Variants in BMAL2 observed in about 807,000 individuals in gnomAD.
The protein encoded by BMAL2 is basic helix-loop-helix ARNT like 2.
chr12:27,420,394 AG>A, the BMAL2 span: 2 of 1,614,002 alleles, frequency 1.2e-6, no homozygotes, highest in Non-Finnish European at 1.7e-6. Context: ...TTTAATTCAT[AG>A]GTGATGGTGC....
chr12:27,389,108 T>G, the BMAL2 span: 1 of 1,002,168 alleles, frequency 1.0e-6, no homozygotes, highest in East Asian at 2.4e-5. Flanking sequence ...AAAAGAACAT[T>G]TATTGTATGC....
the BMAL2 span, chr12:27,368,560 C>T: frequency 8.7e-6 from 9 of 1,040,200 alleles, no homozygotes; most frequent in South Asian, 1.7e-5. Flanking sequence ...CTACCTTTGT[C>T]GGTGACTGAC....
At chr12:27,416,730 G>A in the BMAL2 span, among the ~76,000 whole-genome samples, 2 of 152,148 alleles carry the variant, frequency 1.3e-5, no homozygotes, top group Non-Finnish European at 2.9e-5. Flanking sequence ...GGCTGAGGTG[G>A]GAAGATCACT....
chr12:27,370,095 G>A, the BMAL2 span: 13 of 1,509,138 alleles, frequency 8.6e-6, no homozygotes, highest in Non-Finnish European at 1.2e-5. Flanking sequence ...AGAACATCTG[G>A]GTAGGGGGTG....
chr12:27,358,148 A>G, the BMAL2 span, among the ~76,000 whole-genome samples: 8 of 152,172 alleles, frequency 5.3e-5, no homozygotes, highest in Non-Finnish European at 5.9e-5. Context: ...CGCTATCTAT[A>G]CATCTGACAA....
chr12:27,407,827 A>C, the BMAL2 span, among the ~76,000 whole-genome samples: 5 of 152,196 alleles, frequency 3.3e-5, no homozygotes, highest in South Asian at 2.1e-4. Flanking sequence ...AAAAGATCAA[A>C]AAAATTGATC....
the BMAL2 span, among the ~76,000 whole-genome samples, chr12:27,379,901 A>G: frequency 2.0e-5 from 3 of 152,198 alleles, no homozygotes; most frequent in East Asian, 5.8e-4. Flanking sequence ...ACAACTATTT[A>G]TGCAAATACC....
At chr12:27,376,176 A>G in the BMAL2 span, among the ~76,000 whole-genome samples, 1 of 152,222 alleles carries the variant, frequency 6.6e-6, no homozygotes, top group Non-Finnish European at 1.5e-5. Flanking sequence ...TGGTTCATGT[A>G]GACAGTAAGA....
the BMAL2 span, among the ~76,000 whole-genome samples, chr12:27,411,307 A>C: frequency 1.3e-5 from 2 of 151,918 alleles, no homozygotes; most frequent in East Asian, 3.9e-4. Flanking sequence ...GGCTTAGTAC[A>C]TTTAAAAAAA....
chr12:27,359,193 A>G, the BMAL2 span, among the ~76,000 whole-genome samples: 2 of 152,198 alleles, frequency 1.3e-5, no homozygotes. Flanking sequence ...TAATTGAAAT[A>G]ATGGTAGAAA....
At chr12:27,401,369 T>C in the BMAL2 span, 1 of 1,605,842 alleles carries the variant, frequency 6.2e-7, no homozygotes, top group East Asian at 2.2e-5. Context: ...AGCAGGTAGG[T>C]ATGCATTGAG....
At chr12:27,355,663 G>T in the BMAL2 span, among the ~76,000 whole-genome samples, 4 of 152,276 alleles carry the variant, frequency 2.6e-5, no homozygotes, top group East Asian at 7.7e-4. Flanking sequence ...CTCTGCTTCA[G>T]TTCTCCAGCT....
chr12:27,393,109 A>G, the BMAL2 span, among the ~76,000 whole-genome samples: 1 of 152,246 alleles, frequency 6.6e-6, no homozygotes, highest in Non-Finnish European at 1.5e-5. Context: ...TCAAACCCAT[A>G]TCTACATTCA....
At chr12:27,361,311 G>A in the BMAL2 span, among the ~76,000 whole-genome samples, 1 of 152,126 alleles carries the variant, frequency 6.6e-6, no homozygotes, top group Non-Finnish European at 1.5e-5. Context: ...TTGAAATATT[G>A]CAAGATTGAT....
chr12:27,341,939 TA>T, the BMAL2 span, among the ~76,000 whole-genome samples: 22 of 152,258 alleles, frequency 1.4e-4, no homozygotes, highest in South Asian at 3.5e-3. Context: ...TGTTTTTATT[TA>T]TTTTTTTTAT....
chr12:27,396,131 T>C, the BMAL2 span, among the ~76,000 whole-genome samples: 1 of 152,206 alleles, frequency 6.6e-6, no homozygotes, highest in African/African-American at 2.4e-5. Flanking sequence ...ATTTCTGTTT[T>C]TGAAACCATC....
At chr12:27,401,537 G>C in the BMAL2 span, 1 of 1,597,940 alleles carries the variant, frequency 6.3e-7, no homozygotes, top group Non-Finnish European at 8.5e-7. Flanking sequence ...TACAGAGTAA[G>C]GAGAAAATAC....
chr12:27,390,033 A>G, the BMAL2 span: 1 of 1,573,420 alleles, frequency 6.4e-7, no homozygotes, highest in Non-Finnish European at 8.7e-7. Flanking sequence ...TTAGGAGATA[A>G]ATTTCAAAAT....
chr12:27,378,369 T>G, the BMAL2 span, among the ~76,000 whole-genome samples: 1 of 152,350 alleles, frequency 6.6e-6, no homozygotes, highest in East Asian at 1.9e-4. Context: ...ATTAATCATG[T>G]AGTAGTCAGA....
Sources: gnomAD v4.1 joint callset for allele counts (sites outside exome capture counted in the v4.1 genomes callset) on GRCh38, gnomAD v4.1.1 for gene constraint, MANE v1.5 for transcripts, NCBI Gene and HGNC (gene_info 2026-07-23, HGNC 2026-07-21) for gene names.